Variants in SGCZ observed in about 807,000 individuals in gnomAD.
The protein encoded by SGCZ is sarcoglycan zeta.
A neutral mutation model predicts 41.3 loss-of-function variants in SGCZ; 40 were observed. The observed-to-expected ratio is 0.97, with a 90% CI of 0.75 to 1.26. SGCZ has a LOEUF of 1.26. SGCZ is among the 50% of genes most tolerant of loss of function. The probability of loss-of-function intolerance (pLI) is 0.00; values close to 1 mark genes in which losing one functional copy is unlikely to be tolerated. For missense variants in SGCZ, 552 were observed against 369.8 expected (o/e 1.49, Z -4.04); for synonymous variants, 206 against 137.5 (o/e 1.50, Z -3.49).
At chr8:14,712,319 T>G (rs1038114380) in intron 1 of SGCZ, among the ~76,000 whole-genome samples, 2 of 152,248 alleles carry the variant, frequency 1.3e-5, no homozygotes, top group African/African-American at 4.8e-5. Context: ...TCTACTCAAG[T>G]AAACTTCGCA....
chr8:14,748,078 T>A (rs1462787482), intron 1 of SGCZ, among the ~76,000 whole-genome samples: 3 of 152,040 alleles, frequency 2.0e-5, no homozygotes, highest in African/African-American at 4.8e-5. Flanking sequence ...AAAAGGTACG[T>A]GGCATGTAAG....
intron 1 of SGCZ, among the ~76,000 whole-genome samples, chr8:14,594,386 C>G (rs1805342262): frequency 6.6e-6 from 1 of 151,706 alleles, no homozygotes; most frequent in Admixed American, 6.6e-5. Flanking sequence ...AACATGAAAA[C>G]TGGAAGATCT....
At chr8:14,602,069 G>A (rs186691392) in intron 1 of SGCZ, among the ~76,000 whole-genome samples, 6 of 151,984 alleles carry the variant, frequency 3.9e-5, no homozygotes, top group African/African-American at 1.4e-4. Flanking sequence ...GCAGTGAGCC[G>A]AGATTGCGCC....
intron 1 of SGCZ, among the ~76,000 whole-genome samples, chr8:14,836,106 C>T (rs530853835): frequency 2.2e-4 from 33 of 152,146 alleles, no homozygotes; most frequent in African/African-American, 7.7e-4. Flanking sequence ...TTGCCCCCAT[C>T]ATTTTTACTG....
Position 14,863,819 on chromosome 8 carries a change from A to C in SGCZ, c.40-308893T>G, listed in dbSNP as rs192489925. Among the ~76,000 whole-genome samples, 137 of 152,216 alleles carry C rather than the reference A, an allele frequency of 9.0e-4. 1 individual carries two copies. Among genetic ancestry groups the C allele is most frequent in the African/African-American group, 3.3e-3 (136 of 41,536 alleles). On this transcript the variant is annotated intron_variant, in intron 1 of 7. Coordinates refer to ENST00000382080, the MANE Select transcript of SGCZ (RefSeq NM_139167.4). ...ACATCATGTGAAGACTGGGTTGTAA[A>C]TGCTGGAAATACACTAATATACTCA...
intron 1 of SGCZ, among the ~76,000 whole-genome samples, chr8:14,919,553 A>G (rs1010169059): frequency 2.6e-5 from 4 of 152,224 alleles, no homozygotes; most frequent in Non-Finnish European, 4.4e-5. Context: ...GATAAAAATT[A>G]AAATACAACT....
chr8:15,223,318 A>G (rs1411350192), intron 1 of SGCZ, among the ~76,000 whole-genome samples: 1 of 152,224 alleles, frequency 6.6e-6, no homozygotes, highest in Non-Finnish European at 1.5e-5. Flanking sequence ...CTACAAAAAC[A>G]TAGCTTCCCC....
rs1802160230 is a variant in SGCZ at position 15,237,259 on chromosome 8, C to G, written c.39+326G>C. Among the ~76,000 whole-genome samples the G allele has an allele frequency of 2.0e-5, 3 of 152,088 alleles. No homozygotes were observed. The East Asian group carries it at 5.8e-4, about 30-fold the overall frequency. ...GGCAGAGCTGGTGCCGCTGCCCCCC[C>G]CGGGGAGACGAGCCGGCAAGAGGCG... On this transcript the variant is annotated intron_variant, in intron 1 of 7. Coordinates refer to ENST00000382080, the MANE Select transcript of SGCZ (RefSeq NM_139167.4).
intron 3 of SGCZ, among the ~76,000 whole-genome samples, chr8:14,268,175 C>A (rs1799940321): frequency 6.7e-6 from 1 of 149,214 alleles, no homozygotes; most frequent in African/African-American, 2.4e-5. Context: ...ACAACGGAAG[C>A]AAAATACTGG....
chr8:15,036,789 C>A (rs1803891039), intron 1 of SGCZ, among the ~76,000 whole-genome samples: 1 of 150,800 alleles, frequency 6.6e-6, no homozygotes, highest in African/African-American at 2.4e-5. Flanking sequence ...AAGGACACTA[C>A]AAAAAAAAAT....
chr8:15,002,446 G>A (rs1385011961), intron 1 of SGCZ, among the ~76,000 whole-genome samples: 2 of 152,044 alleles, frequency 1.3e-5, no homozygotes, highest in African/African-American at 4.8e-5. Context: ...CTATATAAAG[G>A]AGAAGAGCTG....
intron 2 of SGCZ, among the ~76,000 whole-genome samples, chr8:14,414,673 A>C (rs766077738): frequency 4.6e-5 from 7 of 152,038 alleles, no homozygotes; most frequent in African/African-American, 1.7e-4. Flanking sequence ...TTAATCTATC[A>C]TAATAGCATA....
chr8:14,828,154 G>A (rs1004963735), intron 1 of SGCZ, among the ~76,000 whole-genome samples: 3 of 152,136 alleles, frequency 2.0e-5, no homozygotes, highest in African/African-American at 7.2e-5. Flanking sequence ...ATGGAAGAAT[G>A]GTGAAAGCAC....
intron 1 of SGCZ, among the ~76,000 whole-genome samples, chr8:14,973,786 T>G (rs1424718217): frequency 6.6e-6 from 1 of 152,222 alleles, no homozygotes; most frequent in Non-Finnish European, 1.5e-5. Flanking sequence ...AAGTCCTCTT[T>G]ATTTGCCTGT....
At chr8:14,573,394 G>T (rs1804617761) in intron 1 of SGCZ, among the ~76,000 whole-genome samples, 1 of 151,574 alleles carries the variant, frequency 6.6e-6, no homozygotes, top group African/African-American at 2.4e-5. Context: ...TAGAGACGGG[G>T]TTTCACCGTG....
At chr8:14,751,907 G>C (rs972768398) in intron 1 of SGCZ, among the ~76,000 whole-genome samples, 4 of 151,014 alleles carry the variant, frequency 2.6e-5, no homozygotes, top group African/African-American at 4.9e-5. Context: ...ACTCCAGCTT[G>C]GGCTACAGAG....
At chr8:14,952,090 A>T (rs1800658449) in intron 1 of SGCZ, among the ~76,000 whole-genome samples, 1 of 152,098 alleles carries the variant, frequency 6.6e-6, no homozygotes, top group African/African-American at 2.4e-5. Flanking sequence ...TTCATCAAAA[A>T]TGAAAGGTAA....
rs180969085 is a variant in SGCZ, at chr8:15,009,573, A to T, written c.39+228012T>A. Among the ~76,000 whole-genome samples the T allele has an allele frequency of 5.0e-3, 758 of 152,336 alleles. 8 individuals are homozygous for T. Among genetic ancestry groups the T allele is most frequent in the African/African-American group, 0.017 (727 of 41,580 alleles). ...GATTGAAGGTGATGCAATGTCATAT[A>T]ACAAGTGAGTGAAAATCATGGAAAA... On this transcript the variant is annotated intron_variant, in intron 1 of 7. Coordinates refer to ENST00000382080, the MANE Select transcript of SGCZ (RefSeq NM_139167.4).
chr8:15,015,211 C>G (rs1015412677), intron 1 of SGCZ, among the ~76,000 whole-genome samples: 1 of 151,812 alleles, frequency 6.6e-6, no homozygotes, highest in Non-Finnish European at 1.5e-5. Flanking sequence ...CCACTGCACT[C>G]CAGCCTGAGA....
Sources: gnomAD v4.1 joint callset for allele counts (sites outside exome capture counted in the v4.1 genomes callset) on GRCh38, gnomAD v4.1.1 for gene constraint, MANE v1.5 for transcripts, NCBI Gene and HGNC (gene_info 2026-07-23, HGNC 2026-07-21) for gene names.